CTNNA3: variants seen among roughly 807,000 people sequenced by gnomAD.
CTNNA3 encodes the protein catenin alpha 3.
In CTNNA3, 76 loss-of-function variants were observed where a neutral mutation model predicts 95.7. The ratio of observed to expected loss-of-function variants is 0.79; its 90% CI spans 0.66 to 0.96. CTNNA3 has a LOEUF of 0.96. Among genes scored for constraint, CTNNA3 ranks in the 40% least tolerant of loss-of-function variants. The pLI is 0.00. For synonymous variants in CTNNA3, 431 were observed against 374.4 expected (o/e 1.15, Z -1.74); for missense variants, 1,191 against 1,089.8 (o/e 1.09, Z -1.31).
intron 5 of CTNNA3, among the ~76,000 whole-genome samples, chr10:67,296,345 CT>C (rs1840029388): frequency 6.6e-6 from 1 of 152,116 alleles, no homozygotes; most frequent in South Asian, 2.1e-4. Context: ...CTAGCTGTTT[CT>C]GAATTATATA....
At chr10:66,895,962 T>C (rs1037369896) in intron 7 of CTNNA3, among the ~76,000 whole-genome samples, 3 of 148,120 alleles carry the variant, frequency 2.0e-5, no homozygotes, top group African/African-American at 7.5e-5. Context: ...CTGGGCATGG[T>C]GGCACATGCC....
chr10:67,460,386 C>T (rs1007456972), intron 5 of CTNNA3, among the ~76,000 whole-genome samples: 2 of 152,030 alleles, frequency 1.3e-5, no homozygotes, highest in Non-Finnish European at 2.9e-5. Context: ...TTAAATTTGC[C>T]AAAGTCTGGC....
chr10:66,628,487 G>A (rs1192309071), intron 9 of CTNNA3, among the ~76,000 whole-genome samples: 1 of 152,028 alleles, frequency 6.6e-6, no homozygotes, highest in Non-Finnish European at 1.5e-5. Flanking sequence ...TATATTCATT[G>A]GAAACATCAA....
chr10:67,753,598 G>A (rs1469811969), intron 1 of CTNNA3, among the ~76,000 whole-genome samples: 1 of 151,902 alleles, frequency 6.6e-6, no homozygotes, highest in East Asian at 1.9e-4. Flanking sequence ...GAATCTACAA[G>A]GAACTTAAAC....
At chr10:66,024,185 G>A (rs936716502) in intron 15 of CTNNA3, among the ~76,000 whole-genome samples, 3 of 142,590 alleles carry the variant, frequency 2.1e-5, no homozygotes, top group African/African-American at 7.7e-5. Context: ...CGCCTCCCGG[G>A]TTCATGCCAT....
At chr10:66,338,318 A>G (rs566833028) in intron 12 of CTNNA3, among the ~76,000 whole-genome samples, 1 of 152,164 alleles carries the variant, frequency 6.6e-6, no homozygotes, top group South Asian at 2.1e-4. Flanking sequence ...AATAGCAAAT[A>G]GACATAAGAG....
chr10:66,306,191 T>C (rs1486663382), intron 12 of CTNNA3, among the ~76,000 whole-genome samples: 1 of 152,210 alleles, frequency 6.6e-6, no homozygotes, highest in Admixed American at 6.5e-5. Flanking sequence ...GAAGCACAGA[T>C]AGTGGACAGA....
intron 3 of CTNNA3, among the ~76,000 whole-genome samples, chr10:67,544,581 C>G (rs1840782927): frequency 6.6e-6 from 1 of 152,102 alleles, no homozygotes; most frequent in African/African-American, 2.4e-5. Flanking sequence ...GCACATGCTC[C>G]CTCTTGAGTA....
At chr10:65,970,472 C>A (rs1312317546) in intron 16 of CTNNA3, among the ~76,000 whole-genome samples, 1 of 151,848 alleles carries the variant, frequency 6.6e-6, no homozygotes, top group Non-Finnish European at 1.5e-5. Flanking sequence ...TTAAAAGGCA[C>A]AGAGTGGCAA....
chr10:67,517,354 C>T (rs1312475822), intron 5 of CTNNA3, among the ~76,000 whole-genome samples: 1 of 151,940 alleles, frequency 6.6e-6, no homozygotes, highest in Admixed American at 6.6e-5. Context: ...AAATATTAAC[C>T]CGCAGTCATT....
At chr10:67,649,274 G>A (rs57483711) in intron 1 of CTNNA3, among the ~76,000 whole-genome samples, 20,202 of 152,152 alleles carry the variant, frequency 0.13, 2,415 homozygotes, top group African/African-American at 0.32. Flanking sequence ...CATTTTCACC[G>A]TGAAATTCAC....
chr10:67,592,057 T>C (rs1275433109), intron 3 of CTNNA3, among the ~76,000 whole-genome samples: 1 of 151,984 alleles, frequency 6.6e-6, no homozygotes, highest in Non-Finnish European at 1.5e-5. Context: ...ACCCCCTCTC[T>C]CTCAACTGGT....
intron 7 of CTNNA3, among the ~76,000 whole-genome samples, chr10:67,096,053 C>A (rs2131927683): frequency 6.6e-6 from 1 of 151,814 alleles, no homozygotes; most frequent in Admixed American, 6.6e-5. Flanking sequence ...TGTTTTAAAT[C>A]TTAAAAATCC....
chr10:66,515,832 A>C (rs544594258), intron 11 of CTNNA3, among the ~76,000 whole-genome samples: 1 of 152,164 alleles, frequency 6.6e-6, no homozygotes, highest in African/African-American at 2.4e-5. Context: ...TGATTCAATT[A>C]TCTCTACGGG....
chr10:66,286,265 T>C (rs2091586973), intron 12 of CTNNA3, among the ~76,000 whole-genome samples: 1 of 152,074 alleles, frequency 6.6e-6, no homozygotes, highest in Non-Finnish European at 1.5e-5. Context: ...ATTTGGCACA[T>C]ACCATCTTTT....
At chr10:66,109,159 A>G (rs1300554730) in intron 13 of CTNNA3, among the ~76,000 whole-genome samples, 1 of 152,142 alleles carries the variant, frequency 6.6e-6, no homozygotes, top group East Asian at 1.9e-4. Context: ...CCGTGCCACA[A>G]ACTTGTCATG....
intron 12 of CTNNA3, among the ~76,000 whole-genome samples, chr10:66,349,083 G>A (rs754078426): frequency 3.3e-5 from 5 of 151,968 alleles, no homozygotes; most frequent in Non-Finnish European, 5.9e-5. Flanking sequence ...TTCACAATTC[G>A]TTACATAAGA....
chr10:66,413,404 A>G (rs2093123503), intron 11 of CTNNA3, among the ~76,000 whole-genome samples: 1 of 152,198 alleles, frequency 6.6e-6, no homozygotes, highest in Non-Finnish European at 1.5e-5. Flanking sequence ...TTTCACACTC[A>G]CAAAGAAAAA....
intron 9 of CTNNA3, among the ~76,000 whole-genome samples, chr10:66,762,409 A>G (rs1839637822): frequency 6.6e-6 from 1 of 152,086 alleles, no homozygotes; most frequent in African/African-American, 2.4e-5. Flanking sequence ...AAGTTTGCAT[A>G]ATAGGTACTC....
Sources: gnomAD v4.1 joint callset for allele counts (sites outside exome capture counted in the v4.1 genomes callset) on GRCh38, gnomAD v4.1.1 for gene constraint, MANE v1.5 for transcripts, NCBI Gene and HGNC (gene_info 2026-07-23, HGNC 2026-07-21) for gene names.